The following IL1RAPL1 variants were observed in gnomAD, a reference collection of about 807,000 sequenced individuals.
IL1RAPL1 encodes the protein interleukin 1 receptor accessory protein like 1, also known as interleukin-1 receptor accessory protein-like 1.
In IL1RAPL1, 3 loss-of-function variants were observed where a neutral mutation model predicts 48.4. The ratio of observed to expected loss-of-function variants is 0.06; its 90% confidence interval spans 0.03 to 0.16. The LOEUF (loss-of-function observed/expected upper bound fraction) is 0.16. Among genes scored for constraint, IL1RAPL1 ranks in the 10% least tolerant of loss-of-function variants. The pLI is 1.00. For missense variants in IL1RAPL1, 349 were observed against 530.6 expected (o/e 0.66, Z 3.36); for synonymous variants, 185 against 187.7 (o/e 0.99, Z 0.12).
At chrX:28,915,636 G>C (rs1187786532) in intron 2 of IL1RAPL1, among the ~76,000 whole-genome samples, 3 of 111,248 alleles carry the variant, frequency 2.7e-5, no homozygotes, top group African/African-American at 9.8e-5. Flanking sequence ...GTTGACGCGA[G>C]ATTTGATCCC....
At chrX:29,609,577 G>T (rs1247930464) in intron 5 of IL1RAPL1, among the ~76,000 whole-genome samples, 1 of 111,825 alleles carries the variant, frequency 8.9e-6, no homozygotes, top group African/African-American at 3.3e-5. Flanking sequence ...AGTCATCTAT[G>T]TTCCTCTTAA....
intron 2 of IL1RAPL1, among the ~76,000 whole-genome samples, chrX:29,017,255 G>A (rs1334028209): frequency 1.8e-5 from 2 of 112,296 alleles, no homozygotes; most frequent in Non-Finnish European, 1.9e-5. Context: ...ATTACGTGTT[G>A]CCTCAATGAA....
intron 5 of IL1RAPL1, among the ~76,000 whole-genome samples, chrX:29,574,600 T>A (rs1276880143): frequency 9.0e-6 from 1 of 111,345 alleles, no homozygotes; most frequent in African/African-American, 3.3e-5. Flanking sequence ...TCTTGGCTAT[T>A]AGCATTCGGC....
At chrX:28,911,238 A>G (rs1428140640) in intron 2 of IL1RAPL1, among the ~76,000 whole-genome samples, 2 of 111,577 alleles carry the variant, frequency 1.8e-5, no homozygotes, top group South Asian at 3.7e-4. Flanking sequence ...GGTTAAAAGG[A>G]ATTTTTCAGG....
At chrX:29,815,412 T>C (rs1405206687) in intron 6 of IL1RAPL1, among the ~76,000 whole-genome samples, 1 of 111,774 alleles carries the variant, frequency 8.9e-6, no homozygotes, top group Non-Finnish European at 1.9e-5. Context: ...GTGCTATTAA[T>C]TTTTATATAT....
chrX:28,737,787 A>G (rs1234734439), intron 1 of IL1RAPL1, among the ~76,000 whole-genome samples: 1 of 112,190 alleles, frequency 8.9e-6, no homozygotes, highest in East Asian at 2.8e-4. Flanking sequence ...ACTTGGATAA[A>G]CAACTCTTTC....
At chrX:29,413,098 TAGTG>T (rs999559333) in intron 5 of IL1RAPL1, among the ~76,000 whole-genome samples, 10 of 111,325 alleles carry the variant, frequency 9.0e-5, no homozygotes, top group Admixed American at 6.7e-4. Context: ...GTTCTGGTGA[TAGTG>T]AGTAAGTCTC....
At chrX:29,940,877 C>T (rs1255315997) in intron 8 of IL1RAPL1, among the ~76,000 whole-genome samples, 1 of 111,652 alleles carries the variant, frequency 9.0e-6, no homozygotes, top group Admixed American at 9.5e-5. Context: ...AAAAAGTAAA[C>T]GGTTGAATGA....
chrX:29,145,458 G>A (rs1207776955), intron 2 of IL1RAPL1, among the ~76,000 whole-genome samples: 5 of 112,260 alleles, frequency 4.5e-5, no homozygotes, highest in South Asian at 3.7e-4. Context: ...CTTTTACCCC[G>A]TCTCCTATGC....
Position 28,732,203 on chromosome X carries a change from C to A in IL1RAPL1, c.-24-57117C>A, listed in dbSNP as rs773343531. On this transcript the variant is annotated intron_variant, in intron 1 of 10. Coordinates refer to ENST00000378993, the MANE Select transcript of IL1RAPL1 (RefSeq NM_014271.4). ...GACTAAACAAGAAGTTGTAATTATA[C>A]CAAATTATGAGATCGTTAAATTAAG... 1.6e-3 allele frequency among the ~76,000 whole-genome samples: 179 copies of A among 112,232 alleles called. 1 individual carries two copies. The highest frequency in any genetic ancestry group is 5.6e-3 in the African/African-American group (173 of 30,909).
chrX:29,166,713 T>C (rs2147509739), intron 2 of IL1RAPL1, among the ~76,000 whole-genome samples: 1 of 111,963 alleles, frequency 8.9e-6, no homozygotes, highest in South Asian at 3.7e-4. Context: ...CAACATATTT[T>C]GCTTACTTTT....
intron 6 of IL1RAPL1, among the ~76,000 whole-genome samples, chrX:29,720,119 A>C: frequency 8.9e-6 from 1 of 111,899 alleles, no homozygotes; most frequent in East Asian, 2.8e-4. Flanking sequence ...GCTGGAGAGG[A>C]TGTGGAGAAA....
intron 6 of IL1RAPL1, among the ~76,000 whole-genome samples, chrX:29,687,055 A>G (rs764311327): frequency 9.0e-6 from 1 of 111,401 alleles, no homozygotes; most frequent in Admixed American, 9.5e-5. Flanking sequence ...GCTGGTGGCA[A>G]TGTAAATTCA....
chrX:29,439,607 A>T (rs1230335597), intron 5 of IL1RAPL1, among the ~76,000 whole-genome samples: 1 of 111,292 alleles, frequency 9.0e-6, no homozygotes, highest in Non-Finnish European at 1.9e-5. Context: ...TACTCTACAC[A>T]GGGATCAGGA....
At chrX:28,708,190 T>C (rs1416745380) in intron 1 of IL1RAPL1, among the ~76,000 whole-genome samples, 1 of 111,332 alleles carries the variant, frequency 9.0e-6, no homozygotes, top group African/African-American at 3.3e-5. Context: ...GGAAAGAGAA[T>C]GGGAGAGGTA....
At chrX:29,587,773 A>T (rs1438876254) in intron 5 of IL1RAPL1, among the ~76,000 whole-genome samples, 1 of 112,402 alleles carries the variant, frequency 8.9e-6, no homozygotes, top group Non-Finnish European at 1.9e-5. Flanking sequence ...AGATGTTCCA[A>T]ATGGATACGT....
chrX:28,932,253 T>C (rs181628808), intron 2 of IL1RAPL1, among the ~76,000 whole-genome samples: 40 of 110,973 alleles, frequency 3.6e-4, no homozygotes, highest in African/African-American at 1.1e-3. Flanking sequence ...TAATGGAATA[T>C]ATAACTTGAA....
At chrX:29,240,224 ATTTTTTTT>A (rs55639151) in intron 2 of IL1RAPL1, among the ~76,000 whole-genome samples, 1 of 13,346 alleles carries the variant, frequency 7.5e-5, no homozygotes, top group African/African-American at 4.0e-4. Flanking sequence ...ATATATATAT[ATTTTTTTT>A]TTTTTTTTTT....
intron 1 of IL1RAPL1, among the ~76,000 whole-genome samples, chrX:28,628,255 A>G (rs1934362589): frequency 8.9e-6 from 1 of 112,150 alleles, no homozygotes; most frequent in Non-Finnish European, 1.9e-5. Context: ...TGTCTGCTGC[A>G]ATCTATTAAC....
Sources: gnomAD v4.1 joint callset for allele counts (sites outside exome capture counted in the v4.1 genomes callset) on GRCh38, gnomAD v4.1.1 for gene constraint, MANE v1.5 for transcripts, NCBI Gene and HGNC (gene_info 2026-07-23, HGNC 2026-07-21) for gene names.